MAML2: variants seen among roughly 807,000 people sequenced by gnomAD.
The protein encoded by MAML2 is mastermind-like protein 2.
Under a neutral mutation model 96.1 loss-of-function variants are expected in MAML2, and 22 were observed. The ratio of observed to expected loss-of-function variants is 0.23; its 90% confidence interval spans 0.16 to 0.33. The LOEUF (loss-of-function observed/expected upper bound fraction) is 0.33. MAML2 is among the 10% of genes least tolerant of loss of function. The pLI is 1.00. For synonymous variants in MAML2, 561 were observed against 521.3 expected (o/e 1.08, Z -1.04); for missense variants, 1,367 against 1,392.4 (o/e 0.98, Z 0.29).
At chr11:96,328,361 A>C (rs1863812664) in intron 1 of MAML2, among the ~76,000 whole-genome samples, 1 of 152,160 alleles carries the variant, frequency 6.6e-6, no homozygotes, top group African/African-American at 2.4e-5. Flanking sequence ...AAATGTCACT[A>C]TCTTTATGGC....
At chr11:96,253,492 A>G (rs575181812) in intron 1 of MAML2, among the ~76,000 whole-genome samples, 3 of 152,336 alleles carry the variant, frequency 2.0e-5, no homozygotes, top group Non-Finnish European at 2.9e-5. Flanking sequence ...CTCCCATGCC[A>G]TCTTGTTTAC....
chr11:96,292,587 A>T (rs1010088854), intron 1 of MAML2, among the ~76,000 whole-genome samples: 9 of 152,124 alleles, frequency 5.9e-5, no homozygotes, highest in Admixed American at 5.9e-4. Context: ...TACTCTTTCC[A>T]TTGTTCTTCT....
intron 2 of MAML2, among the ~76,000 whole-genome samples, chr11:96,049,152 T>C (rs965507599): frequency 6.6e-6 from 1 of 152,222 alleles, no homozygotes; most frequent in Admixed American, 6.5e-5. Context: ...TACTATTTCC[T>C]TTAAAAGGAC....
intron 2 of MAML2, among the ~76,000 whole-genome samples, chr11:96,023,563 G>A (rs1768302244): frequency 6.6e-6 from 1 of 152,112 alleles, no homozygotes. Flanking sequence ...GTTGTGGAGT[G>A]CAGCAGGCCC....
Position 96,341,837 on chromosome 11 carries a change from G to T in MAML2, c.59C>A (p.Ala20Glu), listed in dbSNP as rs1337579527. Reference protein sequence around the residue: ...PAGGLGGASGAGLLGGGSVTP... With the variant: ...PAGGLGGASGEGLLGGGSVTP... Reference sequence around the variant, plus strand: ...GACTGAGCCCCCTCCAAGGAGCCCCGCCCCAGAGGCCCCCCCTAGCCCTCC... The same window carrying T: ...GACTGAGCCCCCTCCAAGGAGCCCCTCCCCAGAGGCCCCCCCTAGCCCTCC... Residue 20 changes from alanine to glutamate, a missense_variant, in exon 1 of 5, where the codon GCG (alanine) becomes GAG (glutamate). By Grantham distance (107) the Ala-to-Glu change is moderately radical. Coordinates refer to ENST00000524717, the MANE Select transcript of MAML2 (RefSeq NM_032427.4). 6.4e-7 allele frequency: 1 copy of T among 1,571,038 alleles called. No individual in the cohort carries two copies. The highest frequency in any genetic ancestry group is 1.2e-5 in the South Asian group (1 of 86,774).
intron 1 of MAML2, among the ~76,000 whole-genome samples, chr11:96,253,903 C>T (rs1862623018): frequency 6.6e-6 from 1 of 152,112 alleles, no homozygotes; most frequent in South Asian, 2.1e-4. Context: ...CCATGAAAAC[C>T]AAAGTTGATG....
At position 96,093,403 on chromosome 11, in the gene MAML2, C is replaced by G. The variant is rs752420613; in HGVS notation, c.628G>C (p.Glu210Gln). ...FLDIKRIRVGENLSAGQGGLQ... is the reference protein window; with the variant it reads ...FLDIKRIRVGQNLSAGQGGLQ... ...CCACCTTGTCCTGCAGAGAGATTCT[C>G]CCCAACACGAATTCTTTTGATATCA... The change falls in exon 2 of 5, where the codon GAG becomes CAG. Residue 210 changes from glutamate (E) to glutamine (Q), a missense_variant. Coordinates refer to ENST00000524717, the MANE Select transcript of MAML2 (RefSeq NM_032427.4). 1 of 1,613,994 alleles carries G rather than the reference C, an allele frequency of 6.2e-7. No homozygotes were observed. Among genetic ancestry groups the G allele is most frequent in the Admixed American group, 1.7e-5 (1 of 60,018 alleles).
At chr11:96,203,555 T>A (rs505879) in intron 1 of MAML2, among the ~76,000 whole-genome samples, 124,441 of 152,166 alleles carry the variant, frequency 0.82, 51,097 homozygotes, top group African/African-American at 0.84. Flanking sequence ...GGAGCAAGCC[T>A]TTACAAAAAA....
intron 1 of MAML2, among the ~76,000 whole-genome samples, chr11:96,333,782 G>A (rs1863882644): frequency 1.3e-5 from 2 of 152,194 alleles, no homozygotes; most frequent in Admixed American, 6.5e-5. Context: ...CTAACCTTTT[G>A]TGGCTCTAGG....
At position 96,092,383 on chromosome 11, in the gene MAML2, C is replaced by G. The variant is rs560017474; in HGVS notation, c.1648G>C (p.Glu550Gln). Residue 550 changes from glutamate (E) to glutamine (Q), a missense_variant, in exon 2 of 5, where the codon GAG becomes CAG. Coordinates refer to ENST00000524717, the MANE Select transcript of MAML2 (RefSeq NM_032427.4). This position sits in a 1 kb window ranked among gnomAD's most constrained non-coding sequence, Gnocchi z 4.1. ...SFINNPHPAM[E>Q]PRQGNTKPLF... is the part of the protein sequence containing the mutation. The stretch of plus-strand genomic sequence containing the variant: ...GGCTTGGTGTTGCCCTGACGGGGCT[C>G]CATGGCTGGGTGCGGGTTGTTAATA... 1 of 1,613,886 alleles carries G rather than the reference C, an allele frequency of 6.2e-7. No individual in the cohort carries two copies. The highest frequency in any genetic ancestry group is 1.3e-5 in the African/African-American group (1 of 75,026).
intron 2 of MAML2, among the ~76,000 whole-genome samples, chr11:96,038,329 A>G (rs1386788836): frequency 6.6e-6 from 1 of 152,222 alleles, no homozygotes; most frequent in African/African-American, 2.4e-5. Context: ...TCATTTAACC[A>G]CAGAACCATT....
chr11:96,139,823 C>T (rs773395862), intron 1 of MAML2, among the ~76,000 whole-genome samples: 3 of 152,004 alleles, frequency 2.0e-5, no homozygotes, highest in African/African-American at 4.8e-5. Flanking sequence ...CAAAGGCAAA[C>T]ATTAAGGGCC....
At chr11:96,194,063 C>T (rs569957408) in intron 1 of MAML2, among the ~76,000 whole-genome samples, 4 of 152,170 alleles carry the variant, frequency 2.6e-5, no homozygotes, top group Admixed American at 1.3e-4. Context: ...TAGGCCTATC[C>T]GTCAAATGGT....
chr11:96,195,868 G>A (rs928356299), intron 1 of MAML2, among the ~76,000 whole-genome samples: 4 of 152,108 alleles, frequency 2.6e-5, no homozygotes, highest in Non-Finnish European at 5.9e-5. Context: ...TTTTCCTCTC[G>A]TGCTGATTTA....
At chr11:95,991,865 T>C (rs553311125) in intron 2 of MAML2, 142 bp from the exon 3 acceptor site, 1 of 672,976 alleles carries the variant, frequency 1.5e-6, no homozygotes, top group Non-Finnish European at 2.5e-6. Context: ...GATCAGAGAA[T>C]CGCTTTTTAA....
chr11:96,081,326 T>TATGAATATGAATATTTATAATATTCAC (rs1565208154), intron 2 of MAML2, among the ~76,000 whole-genome samples: 177 of 152,082 alleles, frequency 1.2e-3, no homozygotes, highest in African/African-American at 4.1e-3. Flanking sequence ...ATAATATTCA[T>TATGAATATGAATATTTATAATATTCAC]ATAAGATTTT....
At chr11:96,077,157 A>C (rs974021197) in intron 2 of MAML2, among the ~76,000 whole-genome samples, 1 of 150,168 alleles carries the variant, frequency 6.7e-6, no homozygotes, top group Non-Finnish European at 1.5e-5. Flanking sequence ...TTTTGGCTCA[A>C]ATTTCCTTTT....
At chr11:96,322,753 G>A (rs1420560223) in intron 1 of MAML2, among the ~76,000 whole-genome samples, 1 of 152,178 alleles carries the variant, frequency 6.6e-6, no homozygotes, top group Non-Finnish European at 1.5e-5. Context: ...AAAGTCCAAC[G>A]TAAAGGAAAT....
intron 1 of MAML2, among the ~76,000 whole-genome samples, chr11:96,283,676 C>T (rs1023528205): frequency 4.6e-5 from 7 of 152,212 alleles, no homozygotes; most frequent in Admixed American, 1.3e-4. Context: ...TTGTCCTCTA[C>T]GTTCTGAAGT....
Sources: allele counts gnomAD v4.1 joint callset (sites outside exome capture counted in the v4.1 genomes callset), GRCh38; gene constraint gnomAD v4.1.1; non-coding constraint Gnocchi (gnomAD v3.1); transcripts MANE v1.5; gene names NCBI Gene and HGNC (gene_info 2026-07-23, HGNC 2026-07-21).